The following KAZN variants were observed in gnomAD, a reference collection of about 807,000 sequenced individuals.
KAZN encodes the protein kazrin.
KAZN carries 40 observed loss-of-function variants against 87.4 expected under a neutral mutation model. The ratio of observed to expected loss-of-function variants is 0.46; its 90% confidence interval spans 0.36 to 0.60. The LOEUF is 0.60. KAZN is among the 20% of genes least tolerant of loss of function. The pLI, the probability that KAZN is intolerant of heterozygous loss-of-function variation, is 0.00. For missense variants in KAZN, 898 were observed against 1,073.9 expected (o/e 0.84, Z 2.29); for synonymous variants, 466 against 458.3 (o/e 1.02, Z -0.22).
intron 2 of KAZN, among the ~76,000 whole-genome samples, chr1:14,276,290 A>G (rs1652350957): frequency 1.3e-5 from 2 of 151,680 alleles, no homozygotes; most frequent in Non-Finnish European, 1.5e-5. Context: ...CATCATCGTC[A>G]TCAGTAACTG....
At chr1:14,486,255 C>T (rs1669345853) in intron 2 of KAZN, among the ~76,000 whole-genome samples, 1 of 152,134 alleles carries the variant, frequency 6.6e-6, no homozygotes, top group Admixed American at 6.5e-5. Context: ...CCCATTCATC[C>T]AGGTTTGACT....
intron 1 of KAZN, among the ~76,000 whole-genome samples, chr1:14,143,892 G>A (rs1284146677): frequency 6.6e-6 from 1 of 151,972 alleles, no homozygotes; most frequent in Non-Finnish European, 1.5e-5. Flanking sequence ...TATTGTTTAA[G>A]TTTTGTGCAG....
intron 1 of KAZN, among the ~76,000 whole-genome samples, chr1:14,157,966 GA>G (rs1645632138): frequency 6.6e-6 from 1 of 152,082 alleles, no homozygotes; most frequent in South Asian, 2.1e-4. Context: ...ACAGCATGGG[GA>G]AAACCACCCT....
At chr1:14,470,311 C>A (rs144117193) in intron 2 of KAZN, among the ~76,000 whole-genome samples, 376 of 152,218 alleles carry the variant, frequency 2.5e-3, no homozygotes, top group African/African-American at 8.6e-3. Context: ...CTAAGTAAAC[C>A]CTTAGCACTT....
At chr1:14,623,714 G>T (rs1389612462) in intron 1 of KAZN, among the ~76,000 whole-genome samples, 1 of 152,106 alleles carries the variant, frequency 6.6e-6, no homozygotes, top group Admixed American at 6.5e-5. Context: ...TGCTTTGGCT[G>T]CATCCCACAG....
At chr1:14,993,329 C>T (rs377313951) in intron 2 of KAZN, among the ~76,000 whole-genome samples, 9 of 151,786 alleles carry the variant, frequency 5.9e-5, no homozygotes, top group East Asian at 2.0e-4. Flanking sequence ...ATTAGCCGGG[C>T]GTGGTGGCAG....
intron 1 of KAZN, among the ~76,000 whole-genome samples, chr1:14,944,071 C>CT (rs1293234323): frequency 6.6e-6 from 1 of 151,586 alleles, no homozygotes; most frequent in African/African-American, 2.4e-5. Flanking sequence ...GAGACTCTGT[C>CT]TCAAAAAAAA....
chr1:14,147,646 A>G (rs1300263425), intron 1 of KAZN, among the ~76,000 whole-genome samples: 4 of 151,974 alleles, frequency 2.6e-5, no homozygotes, highest in Non-Finnish European at 5.9e-5. Context: ...ATATATAAAA[A>G]TTAGCTGGGC....
chr1:14,879,545 A>G (rs1439183627), intron 1 of KAZN, among the ~76,000 whole-genome samples: 4 of 152,204 alleles, frequency 2.6e-5, no homozygotes, highest in African/African-American at 7.2e-5. Flanking sequence ...CAATATCACA[A>G]TCCAGCAGTA....
chr1:14,055,672 G>T (rs775852188), intron 1 of KAZN, among the ~76,000 whole-genome samples: 8 of 152,142 alleles, frequency 5.3e-5, no homozygotes, highest in Non-Finnish European at 7.3e-5. Flanking sequence ...ACTGTGCAGT[G>T]CTGTCGCTCC....
At chr1:14,971,630 G>A (rs1162567719) in intron 2 of KAZN, among the ~76,000 whole-genome samples, 4 of 151,184 alleles carry the variant, frequency 2.6e-5, no homozygotes, top group African/African-American at 9.7e-5. Context: ...GTGTCTTTCA[G>A]AGGCCCCCTT....
intron 1 of KAZN, among the ~76,000 whole-genome samples, chr1:14,128,651 C>T (rs897407511): frequency 6.6e-6 from 1 of 152,062 alleles, no homozygotes; most frequent in Non-Finnish European, 1.5e-5. Flanking sequence ...CTCTTGAAAG[C>T]CCCTATCTCC....
chr1:14,436,527 G>A (rs1666392296), intron 2 of KAZN, among the ~76,000 whole-genome samples: 1 of 151,738 alleles, frequency 6.6e-6, no homozygotes, highest in Admixed American at 6.6e-5. Flanking sequence ...AGACCAGCCT[G>A]GACAACATGG....
At chr1:14,648,787 T>A (rs1252648083) in intron 1 of KAZN, among the ~76,000 whole-genome samples, 9 of 152,202 alleles carry the variant, frequency 5.9e-5, no homozygotes, top group African/African-American at 2.2e-4. Flanking sequence ...TAATGTAGTT[T>A]GTGTGTTTTG....
At chr1:14,147,380 C>G (rs551811028) in intron 1 of KAZN, among the ~76,000 whole-genome samples, 7 of 152,160 alleles carry the variant, frequency 4.6e-5, no homozygotes, top group Non-Finnish European at 8.8e-5. Flanking sequence ...CATTTACTAG[C>G]TTGGGTTAAG....
chr1:14,860,848 G>A (rs936886153), intron 1 of KAZN, among the ~76,000 whole-genome samples: 2 of 152,142 alleles, frequency 1.3e-5, no homozygotes, highest in African/African-American at 4.8e-5. Flanking sequence ...ATAAATTATT[G>A]GAAGAAGCTG....
At chr1:14,553,810 A>G (rs147279445) in intron 2 of KAZN, among the ~76,000 whole-genome samples, 1 of 152,226 alleles carries the variant, frequency 6.6e-6, no homozygotes, top group East Asian at 1.9e-4. Flanking sequence ...TTGGCCAAAC[A>G]TCAGACTTTC....
intron 1 of KAZN, among the ~76,000 whole-genome samples, chr1:13,939,950 T>C (rs1373315225): frequency 6.6e-6 from 1 of 152,078 alleles, no homozygotes; most frequent in East Asian, 1.9e-4. Context: ...AAGAGGATGG[T>C]GCTATACCAA....
chr1:15,043,960 A>G, intron 3 of KAZN, 29 bp from the exon 4 acceptor site: 1 of 1,584,198 alleles, frequency 6.3e-7, no homozygotes, highest in Middle Eastern at 2.1e-4. Context: ...TGTAACACCC[A>G]CGGTGCTCTC....
Sources: gnomAD v4.1 joint callset for allele counts (sites outside exome capture counted in the v4.1 genomes callset) on GRCh38, gnomAD v4.1.1 for gene constraint, MANE v1.5 for transcripts, NCBI Gene and HGNC (gene_info 2026-07-23, HGNC 2026-07-21) for gene names.